The following GMDS variants were observed in gnomAD, a reference collection of about 807,000 sequenced individuals.
GMDS encodes the protein GDP-mannose 4,6-dehydratase.
A neutral mutation model predicts 49.9 loss-of-function variants in GMDS; 20 were observed. The observed-to-expected ratio is 0.40, with a 90% CI of 0.28 to 0.58. GMDS has a LOEUF of 0.58. Ranked by LOEUF, GMDS falls within the 20% of genes least tolerant of loss-of-function variation. The probability of loss-of-function intolerance (pLI) is 0.42; values close to 1 mark genes in which losing one functional copy is unlikely to be tolerated. For missense variants in GMDS, 362 were observed against 481.4 expected, an observed-to-expected ratio of 0.75 and a Z score of 2.32; for synonymous variants, 177 against 178.6, an observed-to-expected ratio of 0.99 and a Z score of 0.07.
chr6:1,877,067 A>T (rs762153559), intron 7 of GMDS, among the ~76,000 whole-genome samples: 2 of 151,958 alleles, frequency 1.3e-5, no homozygotes, highest in Admixed American at 6.6e-5. Context: ...CCTCAGTGTC[A>T]CCTTGGAAAT....
At chr6:1,665,082 G>A (rs1207469308) in intron 9 of GMDS, among the ~76,000 whole-genome samples, 1 of 152,132 alleles carries the variant, frequency 6.6e-6, no homozygotes, top group African/African-American at 2.4e-5. Context: ...ATATTCAGAG[G>A]TGGCTTATAC....
At chr6:1,904,612 T>G (rs1208611371) in intron 7 of GMDS, among the ~76,000 whole-genome samples, 1 of 152,256 alleles carries the variant, frequency 6.6e-6, no homozygotes, top group East Asian at 1.9e-4. Flanking sequence ...CTGTGCTCAC[T>G]GCTGTGTCCT....
chr6:2,116,006 T>C (rs570202915), intron 3 of GMDS, 126 bp from the exon 4 acceptor site: 1 of 639,798 alleles, frequency 1.6e-6, no homozygotes, highest in African/African-American at 1.8e-5. Context: ...AATGCTGTAC[T>C]GATGGTTCTG....
chr6:2,202,474 T>G (rs1464781631), intron 1 of GMDS, among the ~76,000 whole-genome samples: 3 of 151,574 alleles, frequency 2.0e-5, no homozygotes, highest in Admixed American at 6.6e-5. Flanking sequence ...TCTCTGACAT[T>G]GATATGCTTA....
intron 7 of GMDS, among the ~76,000 whole-genome samples, chr6:1,755,278 T>A (rs775592673): frequency 6.6e-6 from 1 of 152,266 alleles, no homozygotes; most frequent in South Asian, 2.1e-4. Context: ...CCATTCACAA[T>A]TGCTACAAAG....
In GMDS at chr6:1,959,983, AT is replaced by A. The variant is rs760488300; in HGVS notation, c.539-13del. ...GAGTTTTGCTGCCCCTGTTGGAATA[AT>A]TTTTTTTAAGCAATGAAGTTTGTTG... On this transcript the variant is annotated splice_polypyrimidine_tract_variant and intron_variant, in intron 5 of 10. Coordinates refer to ENST00000380815, the MANE Select transcript of GMDS (RefSeq NM_001500.4). 4.7e-5 allele frequency: 72 copies of A among 1,527,106 alleles called. No individual in the cohort carries two copies. Among genetic ancestry groups the A allele is most frequent in the Middle Eastern group, 1.7e-4 (1 of 5,800 alleles). The allele number at this position is 1,527,106 out of a possible 1,614,324, so 94.6% of individuals were successfully genotyped here.
chr6:1,955,785 AG>A (rs2127287833), intron 6 of GMDS, among the ~76,000 whole-genome samples: 1 of 152,186 alleles, frequency 6.6e-6, no homozygotes, highest in African/African-American at 2.4e-5. Context: ...AAAAAGAAAA[AG>A]AAAGAAAACC....
rs140199125 is a variant in GMDS at position 1,975,822 on chromosome 6, C to T, written c.346-14856G>A. On this transcript the variant is annotated intron_variant, in intron 4 of 10. Coordinates refer to ENST00000380815, the MANE Select transcript of GMDS (RefSeq NM_001500.4). ...CTGAATATCCTCAGTTTCCTAAAGA[C>T]ACCAGGCTTTGGTTTGACACTAACA... Among the ~76,000 whole-genome samples, 674 of 152,284 alleles carry T rather than the reference C, an allele frequency of 4.4e-3. 1 individual carries two copies. The highest frequency in any genetic ancestry group is 5.8e-3 in the Non-Finnish European group (396 of 68,022).
chr6:1,643,232 G>A (rs570042288), intron 9 of GMDS, among the ~76,000 whole-genome samples: 1 of 152,324 alleles, frequency 6.6e-6, no homozygotes, highest in East Asian at 1.9e-4. Context: ...TGATTCACCA[G>A]ACCAGACAAG....
intron 7 of GMDS, among the ~76,000 whole-genome samples, chr6:1,857,259 A>C (rs568380558): frequency 1.3e-5 from 2 of 152,304 alleles, no homozygotes; most frequent in Non-Finnish European, 2.9e-5. Flanking sequence ...CAGTTTTCCC[A>C]CTTCAAAAAA....
At chr6:1,769,968 C>A (rs970482578) in intron 7 of GMDS, among the ~76,000 whole-genome samples, 1 of 152,184 alleles carries the variant, frequency 6.6e-6, no homozygotes, top group African/African-American at 2.4e-5. Context: ...TCTAAGTGAC[C>A]ACCCGCCTCG....
In GMDS at chr6:1,766,556, G is replaced by A. The variant is rs1209488748; in HGVS notation, c.772-23970C>T. Among the ~76,000 whole-genome samples, 2 of 152,130 alleles carry A rather than the reference G, an allele frequency of 1.3e-5. No individual in the cohort carries two copies. The highest frequency in any genetic ancestry group is 1.9e-4 in the East Asian group (1 of 5,192). On this transcript the variant is annotated intron_variant, in intron 7 of 10. Transcript: ENST00000380815. The surrounding 1 kb of genome is among the most constrained non-coding windows in gnomAD (Gnocchi z 4.5). ...CTTTGAAAAGTGATTTCTCTCTTGT[G>A]TATGGCTCGGGAGGAGGGTCTAAGG...
chr6:2,144,239 A>G (rs936680608), intron 1 of GMDS, among the ~76,000 whole-genome samples: 3 of 152,130 alleles, frequency 2.0e-5, no homozygotes, highest in African/African-American at 7.2e-5. Context: ...GTTCTATGCT[A>G]TTTTAGGTGA....
At chr6:2,120,518 A>G (rs1401499185) in intron 2 of GMDS, among the ~76,000 whole-genome samples, 1 of 152,198 alleles carries the variant, frequency 6.6e-6, no homozygotes, top group African/African-American at 2.4e-5. Flanking sequence ...ACTTCATGTC[A>G]CAATTTACCT....
intron 9 of GMDS, among the ~76,000 whole-genome samples, chr6:1,627,843 C>G (rs796892605): frequency 6.6e-6 from 1 of 152,304 alleles, no homozygotes; most frequent in African/African-American, 2.4e-5. Flanking sequence ...TATGACATTT[C>G]CTGAACTCTG....
chr6:1,876,332 G>A lies in GMDS; in HGVS notation c.771+53771C>T, dbSNP rs576266778. Among the ~76,000 whole-genome samples, 5 of 152,270 alleles carry A rather than the reference G, an allele frequency of 3.3e-5. No individual in the cohort carries two copies. In the Middle Eastern group the frequency reaches 0.01, roughly 311 times the overall value. ...TTTCTGCTATGCTCGGGAGCTGAAG[G>A]TGATGAGAAAAAAAGACGTGTTTGA... On this transcript the variant is annotated intron_variant, in intron 7 of 10. Transcript: ENST00000380815.
intron 1 of GMDS, among the ~76,000 whole-genome samples, chr6:2,184,413 G>A (rs926774603): frequency 8.5e-5 from 13 of 152,072 alleles, no homozygotes; most frequent in African/African-American, 2.7e-4. Context: ...CTCTCTTAAC[G>A]ATTCTCTTCC....
In GMDS at chr6:1,630,300, A is replaced by G. The variant is rs192309891; in HGVS notation, c.988-5760T>C. Among the ~76,000 whole-genome samples the G allele has an allele frequency of 2.6e-3, 389 of 152,358 alleles. 3 individuals are homozygous for G. Among genetic ancestry groups the G allele is most frequent in the African/African-American group, 8.9e-3 (369 of 41,592 alleles). ...TGAGTGCGGCGGTCCTCTTTCCTCC[A>G]TGGGACGAACCGCATGTGGCCTATG... is the stretch of plus-strand genomic sequence containing the variant. On this transcript the variant is annotated intron_variant, in intron 9 of 10. Transcript: ENST00000380815.
intron 9 of GMDS, among the ~76,000 whole-genome samples, chr6:1,645,997 C>G (rs1025556268): frequency 1.3e-5 from 2 of 152,206 alleles, no homozygotes; most frequent in Non-Finnish European, 2.9e-5. Context: ...GCCTGGCACG[C>G]AGAGGCACTC....
Sources: allele counts gnomAD v4.1 joint callset (sites outside exome capture counted in the v4.1 genomes callset), GRCh38; gene constraint gnomAD v4.1.1; non-coding constraint Gnocchi (gnomAD v3.1); transcripts MANE v1.5; gene names NCBI Gene and HGNC (gene_info 2026-07-23, HGNC 2026-07-21).